PRDM2: variants seen among roughly 807,000 people sequenced by gnomAD.
PRDM2 encodes the protein PR/SET domain 2, also known as PR domain zinc finger protein 2.
Under a neutral mutation model 130.0 loss-of-function variants are expected in PRDM2, and 30 were observed. The observed-to-expected ratio is 0.23, with a 90% CI of 0.17 to 0.31. The LOEUF (loss-of-function observed/expected upper bound fraction) is 0.31, where lower values mean the gene tolerates loss of function less well. Ranked by LOEUF, PRDM2 falls within the 10% of genes least tolerant of loss-of-function variation. The pLI is 1.00. For synonymous variants in PRDM2, 871 were observed against 782.4 expected, an observed-to-expected ratio of 1.11 and a Z score of -1.89; for missense variants, 2,011 against 2,108.4, an observed-to-expected ratio of 0.95 and a Z score of 0.90.
chr1:13,770,104 G>A (rs1486952785), intron 6 of PRDM2, among the ~76,000 whole-genome samples: 1 of 152,118 alleles, frequency 6.6e-6, no homozygotes, highest in Non-Finnish European at 1.5e-5. Flanking sequence ...CCCCTCCTTA[G>A]TCCTCTGATA....
chr1:13,722,841 G>A (rs771427272), intron 2 of PRDM2: 27 of 516,782 alleles, frequency 5.2e-5, no homozygotes, highest in Middle Eastern at 3.2e-4. Context: ...TTTAAAAAGC[G>A]TTTTGAATCA....
intron 6 of PRDM2, among the ~76,000 whole-genome samples, chr1:13,772,506 A>C (rs1044698084): frequency 2.6e-5 from 4 of 152,212 alleles, no homozygotes; most frequent in African/African-American, 9.6e-5. Context: ...TCAGAGTGCC[A>C]TGCTGGTGGA....
intron 8 of PRDM2, among the ~76,000 whole-genome samples, chr1:13,802,791 C>T (rs374186751): frequency 1.3e-5 from 2 of 152,170 alleles, no homozygotes; most frequent in East Asian, 1.9e-4. Flanking sequence ...ACTTTGTGTT[C>T]GTGTTTTCTT....
Position 13,782,251 on chromosome 1 carries a change from C to G in PRDM2, c.4456C>G (p.Pro1486Ala). Residue 1486 changes from proline to alanine, a missense_variant, in exon 8 of 10, where the codon CCC (proline) becomes GCC (alanine). This residue lies in a region of PRDM2 where 410 missense variants were observed against 395.9 expected (regional missense o/e 1.04). Transcript: ENST00000311066. ...FSCPKKPLSP[P>A]KKKVSHSSKK... ...CTGTCCCAAAAAACCCCTTTCTCCT[C>G]CCAAAAAAAAAGTTTCTCATTCATC... is the stretch of plus-strand genomic sequence containing the variant. 1 of 1,613,044 alleles carries G rather than the reference C, an allele frequency of 6.2e-7. No homozygotes were observed. Among genetic ancestry groups the G allele is most frequent in the Non-Finnish European group, 8.5e-7 (1 of 1,179,812 alleles).
At chr1:13,729,664 T>G (rs986579141) in intron 2 of PRDM2, among the ~76,000 whole-genome samples, 3 of 152,208 alleles carry the variant, frequency 2.0e-5, no homozygotes, top group Non-Finnish European at 4.4e-5. Flanking sequence ...TTTCTGGGGC[T>G]AATTGGCTAT....
intron 8 of PRDM2, among the ~76,000 whole-genome samples, chr1:13,795,544 T>C (rs1644910021): frequency 6.6e-6 from 1 of 152,218 alleles, no homozygotes; most frequent in African/African-American, 2.4e-5. Context: ...GGCATGGCCT[T>C]TAAGCAGCAA....
At chr1:13,718,962 T>C (rs114497926) in intron 2 of PRDM2, among the ~76,000 whole-genome samples, 2,234 of 152,270 alleles carry the variant, frequency 0.015, 26 homozygotes, top group South Asian at 0.036. Context: ...TCATTCATCG[T>C]GGACAGACTG....
chr1:13,778,274 T>TA, intron 7 of PRDM2, 144 bp from the exon 8 acceptor site: 1 of 877,838 alleles, frequency 1.1e-6, no homozygotes. Context: ...ATTAAGTATA[T>TA]AAAGTAGAAG....
rs555834071 is a variant in PRDM2, at chr1:13,770,888, C to T, written c.512-2190C>T. ...CGTGAATTTCCTCACACATCAGTTG[C>T]AGCACAGAGAAGTTATGTTATGTCA... On this transcript the variant is annotated intron_variant, in intron 6 of 9. Transcript: ENST00000311066. Among the ~76,000 whole-genome samples the T allele has an allele frequency of 6.6e-5, 10 of 152,344 alleles. 1 individual carries two copies. In the South Asian group the frequency reaches 1.9e-3, roughly 28 times the overall value.
chr1:13,788,091 A>G, intron 8 of PRDM2: 1 of 969,328 alleles, frequency 1.0e-6, no homozygotes. Flanking sequence ...CTGTGAAAGG[A>G]CTGCATTTTG....
At chr1:13,785,270 C>T (rs1042687040) in intron 8 of PRDM2, among the ~76,000 whole-genome samples, 7 of 151,648 alleles carry the variant, frequency 4.6e-5, no homozygotes, top group Admixed American at 2.6e-4. Context: ...TATTACATGT[C>T]GAGGAATACT....
In PRDM2 at chr1:13,778,752, A is replaced by G. The variant is rs748693403; in HGVS notation, c.957A>G (p.Leu319=). 4 of 1,614,186 alleles carry G rather than the reference A, an allele frequency of 2.5e-6. No individual in the cohort carries two copies. The highest frequency in any genetic ancestry group is 3.4e-6 in the Non-Finnish European group (4 of 1,180,040). The change falls in exon 8 of 10, where the codon TTA becomes TTG. Residue 319 remains leucine (L), a synonymous_variant. Coordinates refer to ENST00000311066, the MANE Select transcript of PRDM2 (RefSeq NM_001393986.1). The part of the protein sequence containing the change: ...EIRCDEKPED[L]LEEPKTTSEE... ...GGTGTGATGAGAAGCCAGAAGATTT[A>G]TTAGAGGAACCAAAAACAACTTCAG...
At chr1:13,788,913 C>G (rs1557660903) in intron 8 of PRDM2, among the ~76,000 whole-genome samples, 1 of 152,242 alleles carries the variant, frequency 6.6e-6, no homozygotes, top group Non-Finnish European at 1.5e-5. Flanking sequence ...CCTTTACATT[C>G]TGGATCATAG....
In PRDM2 at chr1:13,742,171, A is replaced by G; in HGVS notation, c.384+14A>G. 1.2e-6 allele frequency: 2 copies of G among 1,607,744 alleles called. No homozygotes were observed. The highest frequency in any genetic ancestry group is 1.7e-6 in the Non-Finnish European group (2 of 1,174,740). ...AAAACTTTAAAGGTAACAGCATTAG[A>G]ATTAATTTACTGTTAGTTACGCTGC... On this transcript the variant is annotated intron_variant, in intron 5 of 9. Coordinates refer to ENST00000311066, the MANE Select transcript of PRDM2 (RefSeq NM_001393986.1).
At chr1:13,793,400 T>C (rs892454788) in intron 8 of PRDM2, among the ~76,000 whole-genome samples, 3 of 152,122 alleles carry the variant, frequency 2.0e-5, no homozygotes, top group Non-Finnish European at 4.4e-5. Context: ...GCTAAGGAAA[T>C]TGCCAGGTCT....
At chr1:13,717,773 C>G (rs1351890905) in intron 2 of PRDM2, among the ~76,000 whole-genome samples, 2 of 151,824 alleles carry the variant, frequency 1.3e-5, no homozygotes, top group African/African-American at 4.8e-5. Flanking sequence ...TCCCAAATGC[C>G]AAGTATCAGT....
intron 6 of PRDM2, chr1:13,769,273 T>C (rs1280098981): frequency 1.8e-5 from 12 of 661,714 alleles, no homozygotes; most frequent in Non-Finnish European, 2.2e-5. Flanking sequence ...GTAAATGTCC[T>C]TATGGGTTTG....
intron 5 of PRDM2, among the ~76,000 whole-genome samples, chr1:13,748,042 G>A (rs931407593): frequency 2.6e-5 from 4 of 152,146 alleles, no homozygotes; most frequent in Non-Finnish European, 4.4e-5. Context: ...TGGTTATTTT[G>A]TAGAATGTCC....
At chr1:13,706,424 C>T (rs2487623) in intron 1 of PRDM2, among the ~76,000 whole-genome samples, 3,674 of 152,286 alleles carry the variant, frequency 0.024, 60 homozygotes, top group Middle Eastern at 0.044. Context: ...CTATGAAACC[C>T]GGCTCCTCTT....
Sources: allele counts gnomAD v4.1 joint callset (sites outside exome capture counted in the v4.1 genomes callset), GRCh38; gene constraint gnomAD v4.1.1; regional missense constraint gnomAD v4.1.1; transcripts MANE v1.5; gene names NCBI Gene and HGNC (gene_info 2026-07-23, HGNC 2026-07-21).